Variants in OTOGL observed in about 807,000 individuals in gnomAD.
The protein encoded by OTOGL is otogelin-like protein.
A neutral mutation model predicts 318.5 loss-of-function variants in OTOGL; 285 were observed. The ratio of observed to expected loss-of-function variants is 0.89; its 90% CI spans 0.81 to 0.99. OTOGL has a LOEUF of 0.99. Among genes scored for constraint, OTOGL ranks in the 50% least tolerant of loss-of-function variants. OTOGL has a pLI of 0.00. For missense variants in OTOGL, 2,899 were observed against 2,845.6 expected (o/e 1.02, Z -0.43); for synonymous variants, 987 against 936.5 (o/e 1.05, Z -0.99).
At chr12:80,136,879 C>A (rs767685018) in intron 1 of OTOGL, among the ~76,000 whole-genome samples, 3 of 151,694 alleles carry the variant, frequency 2.0e-5, no homozygotes, top group Admixed American at 2.0e-4. Flanking sequence ...GTGTCTCTTC[C>A]CATTCTATTA....
chr12:80,320,239 G>T (rs1412951696), intron 33 of OTOGL, among the ~76,000 whole-genome samples, 183 bp from the exon 34 acceptor site: 3 of 150,922 alleles, frequency 2.0e-5, no homozygotes, highest in East Asian at 3.9e-4. Context: ...TGAATTTAAA[G>T]TACTACTTTT....
chr12:80,108,883 T>C (rs1219334493), intron 1 of OTOGL, among the ~76,000 whole-genome samples: 2 of 138,602 alleles, frequency 1.4e-5, no homozygotes, highest in African/African-American at 2.8e-5. Flanking sequence ...TATATATGTG[T>C]ATATATATGT....
At chr12:80,237,486 A>G (rs958960829) in intron 9 of OTOGL, among the ~76,000 whole-genome samples, 3 of 152,142 alleles carry the variant, frequency 2.0e-5, no homozygotes, top group Non-Finnish European at 2.9e-5. Flanking sequence ...GGCAACAGTG[A>G]GAAGATTTTA....
In OTOGL at chr12:80,356,518, G is replaced by A; in HGVS notation, c.5909G>A (p.Cys1970Tyr). 4 of 1,588,268 alleles carry A rather than the reference G, an allele frequency of 2.5e-6. No individual in the cohort carries two copies. The highest frequency in any genetic ancestry group is 1.9e-4 in the Middle Eastern group (1 of 5,326). The change falls in exon 48 of 59, where the codon TGT becomes TAT. Residue 1970 changes from cysteine (C) to tyrosine (Y), a missense_variant and splice_region_variant. This residue lies in a region of OTOGL where 2,607 missense variants were observed against 2,524.9 expected (regional missense o/e 1.03). Transcript: ENST00000547103. ...CTTTCTTGCTGTCCACAGTACAAAT[G>A]TGGTAAGTAATCAATATAGAAAATT... The part of the protein sequence containing the change: ...SPLSCCPQYK[C>Y]ECDPLKCPSI...
intron 44 of OTOGL, among the ~76,000 whole-genome samples, chr12:80,343,040 C>T (rs1164552531): frequency 6.6e-6 from 1 of 152,114 alleles, no homozygotes; most frequent in Admixed American, 6.6e-5. Flanking sequence ...GGCGACCACG[C>T]CCAGCTGATA....
intron 9 of OTOGL, among the ~76,000 whole-genome samples, chr12:80,237,239 A>C (rs1205636361): frequency 6.6e-6 from 1 of 152,236 alleles, no homozygotes; most frequent in Non-Finnish European, 1.5e-5. Flanking sequence ...CACTAGGGAT[A>C]CAGCAATAGA....
chr12:80,126,137 A>T (rs10862060), intron 1 of OTOGL, among the ~76,000 whole-genome samples: 3 of 151,914 alleles, frequency 2.0e-5, no homozygotes, highest in African/African-American at 7.2e-5. Flanking sequence ...ATGTTAGGCT[A>T]TCAGTTTTAG....
chr12:80,125,595 A>G (rs1750918340), intron 1 of OTOGL, among the ~76,000 whole-genome samples: 1 of 152,198 alleles, frequency 6.6e-6, no homozygotes, highest in East Asian at 1.9e-4. Flanking sequence ...ATTGTTTGGA[A>G]TAGTTTCAGA....
Position 80,370,701 on chromosome 12 carries a change from G to A in OTOGL, c.6735+12G>A, listed in dbSNP as rs988238694. Reference sequence around the variant, plus strand: ...CTGAATGCAAAATGGTTTGTACTTTGTTGTATCTAAGAAAATTTATTATTA... The same window carrying A: ...CTGAATGCAAAATGGTTTGTACTTTATTGTATCTAAGAAAATTTATTATTA... On this transcript the variant is annotated intron_variant, in intron 56 of 58. Transcript: ENST00000547103. 1.5e-5 allele frequency: 23 copies of A among 1,516,574 alleles called. No homozygotes were observed. The highest frequency in any genetic ancestry group is 2.0e-5 in the Non-Finnish European group (23 of 1,123,800). 93.9% of individuals were successfully genotyped at this position (1,516,574 alleles called of 1,614,324 possible).
chr12:80,122,906 A>ATTTTTTAT (rs1405145763), intron 1 of OTOGL, among the ~76,000 whole-genome samples: 1 of 150,346 alleles, frequency 6.7e-6, no homozygotes, highest in African/African-American at 2.5e-5. Context: ...TTTTATTTTT[A>ATTTTTTAT]TTTTTTATTT....
intron 13 of OTOGL, among the ~76,000 whole-genome samples, chr12:80,252,943 C>T (rs1364609343): frequency 6.6e-6 from 1 of 152,124 alleles, no homozygotes; most frequent in East Asian, 1.9e-4. Context: ...ACAGTCTTAC[C>T]ATGAAAAGGT....
intron 1 of OTOGL, among the ~76,000 whole-genome samples, chr12:80,102,517 A>G (rs923373228): frequency 2.0e-5 from 3 of 152,180 alleles, no homozygotes; most frequent in Admixed American, 2.0e-4. Context: ...TTTAGCTTTA[A>G]GTATTTCTTG....
intron 11 of OTOGL, among the ~76,000 whole-genome samples, chr12:80,248,133 GT>G (rs1395037623): frequency 8.0e-6 from 1 of 125,566 alleles, no homozygotes; most frequent in Non-Finnish European, 1.6e-5. Flanking sequence ...GCCAGTCTGT[GT>G]CTTTTAATTG....
At chr12:80,148,325 C>T (rs1373117335) in intron 1 of OTOGL, among the ~76,000 whole-genome samples, 3 of 147,144 alleles carry the variant, frequency 2.0e-5, no homozygotes, top group African/African-American at 7.5e-5. Context: ...CTTAGTTTGG[C>T]TGGATATGAA....
intron 1 of OTOGL, among the ~76,000 whole-genome samples, chr12:80,125,983 A>G (rs146610891): frequency 0.03 from 4,508 of 152,248 alleles, 224 homozygotes; most frequent in African/African-American, 0.1. Context: ...ATCTTTTCAA[A>G]AAACAAGCTC....
chr12:80,221,484 G>T (rs1358915148), intron 6 of OTOGL, among the ~76,000 whole-genome samples: 1 of 151,928 alleles, frequency 6.6e-6, no homozygotes, highest in African/African-American at 2.4e-5. Context: ...ACCCAGGCTG[G>T]TCTCAAACTC....
intron 26 of OTOGL, among the ~76,000 whole-genome samples, chr12:80,279,865 C>T (rs1016777107): frequency 2.0e-5 from 3 of 151,774 alleles, no homozygotes; most frequent in African/African-American, 7.2e-5. Flanking sequence ...GAAATTGCCA[C>T]ACTGCTTTCT....
chr12:80,209,632 T>C, intron 2 of OTOGL, 122 bp downstream of exon 2: 3 of 512,024 alleles, frequency 5.9e-6, no homozygotes. Context: ...TACTAAATGA[T>C]ACTCAGATCA....
chr12:80,355,838 T>C lies in OTOGL; in HGVS notation c.5696T>C (p.Ile1899Thr), dbSNP rs1566010321. The C allele has an allele frequency of 5.0e-6, 8 of 1,613,946 alleles. No individual in the cohort carries two copies. The highest frequency in any genetic ancestry group is 5.9e-6 in the Non-Finnish European group (7 of 1,179,854). Residue 1899 changes from isoleucine (I) to threonine (T), a missense_variant, in exon 47 of 59, where the codon ATC becomes ACC. Physicochemically the swap from Ile to Thr is moderately conservative, Grantham distance 89. Around this residue, in one of 3 missense-constraint regions of OTOGL, gnomAD observed 2,607 missense variants for 2,524.9 expected, o/e 1.03. Transcript: ENST00000547103. ...LYKCLENGSI[I>T]PIEPDCDEEP... The stretch of plus-strand genomic sequence containing the variant: ...AAATGTTTGGAGAATGGAAGCATTA[T>C]CCCTATAGAACCTGACTGTGATGAA...
Sources: allele counts gnomAD v4.1 joint callset (sites outside exome capture counted in the v4.1 genomes callset), GRCh38; gene constraint gnomAD v4.1.1; regional missense constraint gnomAD v4.1.1; transcripts MANE v1.5; gene names NCBI Gene and HGNC (gene_info 2026-07-23, HGNC 2026-07-21).